JARID2: variants seen among roughly 807,000 people sequenced by gnomAD.
JARID2 encodes the protein jumonji and AT-rich interaction domain containing 2.
In JARID2, 21 loss-of-function variants were observed where a neutral mutation model predicts 125.6. The observed-to-expected ratio is 0.17, with a 90% CI of 0.12 to 0.24. JARID2 has a LOEUF of 0.24. Among genes scored for constraint, JARID2 ranks in the 10% least tolerant of loss-of-function variants. The pLI is 1.00. For synonymous variants in JARID2, 736 were observed against 661.6 expected (o/e 1.11, Z -1.73); for missense variants, 1,303 against 1,639.6 (o/e 0.79, Z 3.55).
chr6:15,420,733 C>G (rs888656132), intron 3 of JARID2, among the ~76,000 whole-genome samples: 1 of 152,136 alleles, frequency 6.6e-6, no homozygotes, highest in Admixed American at 6.6e-5. Flanking sequence ...ACAGTTTGAT[C>G]TGTTTGGATC....
chr6:15,493,074 T>G lies in JARID2; in HGVS notation c.907-3058T>G, dbSNP rs184074617. ...GAATTCAGCTGTGTTGAAAATTTAC[T>G]TCCCTGTAGCATTGCTAGCCATGAA... is the stretch of plus-strand genomic sequence containing the variant. On this transcript the variant is annotated intron_variant, in intron 6 of 17. Transcript: ENST00000341776. 3.9e-5 allele frequency among the ~76,000 whole-genome samples: 6 copies of G among 152,214 alleles called. No homozygotes were observed. In the East Asian group the frequency reaches 1.2e-3, roughly 29 times the overall value.
At chr6:15,499,633 C>T (rs1482181293) in intron 7 of JARID2, among the ~76,000 whole-genome samples, 1 of 152,154 alleles carries the variant, frequency 6.6e-6, no homozygotes, top group African/African-American at 2.4e-5. Flanking sequence ...CAGCCAGAGC[C>T]ACCGTGAGTC....
intron 3 of JARID2, among the ~76,000 whole-genome samples, chr6:15,431,991 T>C (rs1159561653): frequency 6.6e-6 from 1 of 152,190 alleles, no homozygotes; most frequent in African/African-American, 2.4e-5. Flanking sequence ...CCTGCACTTT[T>C]GCTAAGCCAC....
chr6:15,437,970 A>G (rs1767283031), intron 3 of JARID2, among the ~76,000 whole-genome samples: 1 of 152,092 alleles, frequency 6.6e-6, no homozygotes, highest in South Asian at 2.1e-4. Flanking sequence ...TAGAAGATAG[A>G]ATATTTTTGT....
At chr6:15,503,775 C>T (rs567774574) in intron 8 of JARID2, among the ~76,000 whole-genome samples, 39 of 152,354 alleles carry the variant, frequency 2.6e-4, no homozygotes, top group African/African-American at 8.9e-4. Flanking sequence ...TAGATGGATT[C>T]CCTCTGAAAA....
At chr6:15,458,852 G>A (rs1008004229) in intron 4 of JARID2, among the ~76,000 whole-genome samples, 1 of 152,234 alleles carries the variant, frequency 6.6e-6, no homozygotes, top group African/African-American at 2.4e-5. Flanking sequence ...TGATGTTGGA[G>A]GTCCTGGAGT....
rs910107031 is a variant in JARID2 at position 15,280,686 on chromosome 6, C to T, written c.45+34102C>T. On this transcript the variant is annotated intron_variant, in intron 1 of 17. Coordinates refer to ENST00000341776, the MANE Select transcript of JARID2 (RefSeq NM_004973.4). ...CTCTGTTGCCCAGGCTGGAGTGCAG[C>T]GATGTGATCTAGGCTCACTGCAGCC... is the stretch of plus-strand genomic sequence containing the variant. 3.4e-5 allele frequency among the ~76,000 whole-genome samples: 5 copies of T among 148,874 alleles called. 1 individual carries two copies. The highest frequency in any genetic ancestry group is 4.2e-4 in the South Asian group (2 of 4,708).
At chr6:15,446,906 C>T (rs535332184) in intron 3 of JARID2, among the ~76,000 whole-genome samples, 199 of 152,296 alleles carry the variant, frequency 1.3e-3, no homozygotes, top group Admixed American at 2.8e-3. Context: ...ATAGGTTCGT[C>T]TGCTGCTCCT....
chr6:15,377,239 G>C (rs1764390127), intron 2 of JARID2, among the ~76,000 whole-genome samples: 1 of 152,194 alleles, frequency 6.6e-6, no homozygotes, highest in Non-Finnish European at 1.5e-5. Flanking sequence ...CATGCCTGGG[G>C]AGGCCTCAGA....
At chr6:15,363,643 T>G (rs57455698) in intron 1 of JARID2, among the ~76,000 whole-genome samples, 1 of 152,188 alleles carries the variant, frequency 6.6e-6, no homozygotes, top group Non-Finnish European at 1.5e-5. Flanking sequence ...ACTTCACACC[T>G]CTGAACCTCA....
At chr6:15,424,818 C>T (rs1281626370) in intron 3 of JARID2, among the ~76,000 whole-genome samples, 1 of 152,148 alleles carries the variant, frequency 6.6e-6, no homozygotes, top group Non-Finnish European at 1.5e-5. Context: ...GAGATCGTGC[C>T]ATTGCACTCC....
intron 3 of JARID2, among the ~76,000 whole-genome samples, chr6:15,447,013 G>A (rs529080316): frequency 6.6e-6 from 1 of 152,256 alleles, no homozygotes; most frequent in Non-Finnish European, 1.5e-5. Flanking sequence ...TAAGATCCTT[G>A]AACATAACAA....
At chr6:15,378,929 A>ACAAG (rs1764474348) in intron 2 of JARID2, among the ~76,000 whole-genome samples, 3 of 152,204 alleles carry the variant, frequency 2.0e-5, no homozygotes, top group Admixed American at 2.0e-4. Context: ...GGTGTGATGA[A>ACAAG]CAAGCAGCCC....
chr6:15,488,605 G>A (rs1036113066), intron 6 of JARID2, among the ~76,000 whole-genome samples: 15 of 152,126 alleles, frequency 9.9e-5, no homozygotes, highest in Admixed American at 2.0e-4. Context: ...ACTCGATTTC[G>A]TCTTGCGGTA....
intron 3 of JARID2, among the ~76,000 whole-genome samples, chr6:15,444,382 T>G (rs1007881609): frequency 6.6e-6 from 1 of 152,208 alleles, no homozygotes; most frequent in Non-Finnish European, 1.5e-5. Flanking sequence ...CTCTTTACTG[T>G]TCAGGATGTT....
chr6:15,518,825 T>C (rs1771689921), intron 17 of JARID2, among the ~76,000 whole-genome samples: 2 of 152,166 alleles, frequency 1.3e-5, no homozygotes, highest in Non-Finnish European at 2.9e-5. Context: ...ACAGAGACCA[T>C]TGCAAAATCT....
chr6:15,354,378 G>A (rs979933312), intron 1 of JARID2, among the ~76,000 whole-genome samples: 1 of 152,164 alleles, frequency 6.6e-6, no homozygotes, highest in African/African-American at 2.4e-5. Context: ...ACTGATTTTG[G>A]ACTACTTACT....
chr6:15,458,184 C>T (rs1447229536), intron 4 of JARID2, among the ~76,000 whole-genome samples: 1 of 152,122 alleles, frequency 6.6e-6, no homozygotes. Flanking sequence ...TCTGTCGTCT[C>T]CTCTTTGTTC....
intron 9 of JARID2, among the ~76,000 whole-genome samples, chr6:15,506,370 G>A (rs1014395947): frequency 2.0e-5 from 3 of 152,216 alleles, no homozygotes; most frequent in Non-Finnish European, 2.9e-5. Context: ...GCTTGACTCC[G>A]CCAGGTCGGC....
Sources: allele counts gnomAD v4.1 joint callset (sites outside exome capture counted in the v4.1 genomes callset), GRCh38; gene constraint gnomAD v4.1.1; transcripts MANE v1.5; gene names NCBI Gene and HGNC (gene_info 2026-07-23, HGNC 2026-07-21).